SMG1: variants seen among roughly 807,000 people sequenced by gnomAD.
SMG1 encodes SMG1 nonsense mediated mRNA decay associated PI3K related kinase.
A neutral mutation model predicts 419.9 loss-of-function variants in SMG1; 22 were observed. That is an observed-to-expected ratio of 0.05 (90% CI 0.04 to 0.07). The LOEUF (loss-of-function observed/expected upper bound fraction) is 0.07. Ranked by LOEUF, SMG1 falls within the 10% of genes least tolerant of loss-of-function variation. SMG1 has a pLI of 1.00. For missense variants in SMG1, 3,185 were observed against 4,342.0 expected (o/e 0.73, Z 7.49); for synonymous variants, 1,538 against 1,553.5 (o/e 0.99, Z 0.23).
intron 56 of SMG1, 59 bp from the exon 57 acceptor site, chr16:18,817,529 G>T: frequency 7.5e-7 from 1 of 1,340,122 alleles, no homozygotes; most frequent in Non-Finnish European, 1.0e-6. Context: ...AAAGGGAGGT[G>T]GCAATTAATA....
At chr16:18,891,538 C>T (rs1259954421) in intron 4 of SMG1, among the ~76,000 whole-genome samples, 1 of 151,650 alleles carries the variant, frequency 6.6e-6, no homozygotes, top group Non-Finnish European at 1.5e-5. Context: ...TGGGTTCAAG[C>T]GATTCTCCTG....
intron 1 of SMG1, among the ~76,000 whole-genome samples, chr16:18,901,957 GGGGGGTGGCGGT>G (rs1567445992): frequency 6.7e-6 from 1 of 149,714 alleles, no homozygotes; most frequent in Non-Finnish European, 1.5e-5. Flanking sequence ...AAAAAAAAGG[GGGGGGTGGCGGT>G]GGGGGGAAGG....
chr16:18,807,256 T>A lies in SMG1; in HGVS notation c.*2313A>T, dbSNP rs527463853. ...GTGCTAAACTAATGTGAACTGACTATCATTGCGATAAAAGTTTTTCCTTAT... is the reference window on the plus strand; with the variant it reads ...GTGCTAAACTAATGTGAACTGACTAACATTGCGATAAAAGTTTTTCCTTAT... On this transcript the variant is annotated 3_prime_UTR_variant, in exon 63 of 63. Transcript: ENST00000446231. 30 of 152,316 alleles carry A rather than the reference T, an allele frequency of 2.0e-4. No homozygotes were observed. Among genetic ancestry groups the A allele is most frequent in the African/African-American group, 7.0e-4 (29 of 41,560 alleles). 9.4% of individuals were successfully genotyped at this position (152,316 alleles called of 1,614,324 possible).
chr16:18,917,869 G>C (rs752083781), intron 1 of SMG1, among the ~76,000 whole-genome samples: 1 of 150,724 alleles, frequency 6.6e-6, no homozygotes, highest in Non-Finnish European at 1.5e-5. Flanking sequence ...GAGCCACCAC[G>C]CCCAGCCCAC....
chr16:18,884,696 C>T lies in SMG1; in HGVS notation c.1021+394G>A, dbSNP rs142365511. The T allele has an allele frequency of 2.0e-3, 366 of 179,314 alleles. 2 individuals are homozygous for T. Among genetic ancestry groups the T allele is most frequent in the Middle Eastern group, 0.017 (7 of 406 alleles). The allele number at this position is 179,314 out of a possible 1,614,324, so 11.1% of individuals were successfully genotyped here. A position where few individuals can be genotyped will look rare whatever the true frequency, so the allele number is the denominator to read the frequency against. On this transcript the variant is annotated intron_variant, in intron 8 of 62. Transcript: ENST00000446231. ...AACTCCAAAAAAATGGGAAACAAAA[C>T]CATTTCTCATTTATGACAATTCTCC... is the stretch of plus-strand genomic sequence containing the variant.
At chr16:18,908,261 G>A (rs1158753283) in intron 1 of SMG1, among the ~76,000 whole-genome samples, 1 of 151,400 alleles carries the variant, frequency 6.6e-6, no homozygotes, top group Non-Finnish European at 1.5e-5. Flanking sequence ...CCAGCTACTC[G>A]GGAGGCTGAG....
intron 51 of SMG1, 31 bp downstream of exon 51, chr16:18,832,909 C>A: frequency 3.2e-6 from 5 of 1,580,800 alleles, no homozygotes; most frequent in Non-Finnish European, 4.3e-6. Flanking sequence ...ATCTCTTTTA[C>A]AAGGAAACGG....
At chr16:18,879,928 G>C (rs2036309514) in intron 10 of SMG1, among the ~76,000 whole-genome samples, 1 of 152,160 alleles carries the variant, frequency 6.6e-6, no homozygotes, top group Admixed American at 6.5e-5. Context: ...ATCCTAAAGT[G>C]CTATTATGAC....
chr16:18,898,779 T>C (rs2550012), intron 1 of SMG1, among the ~76,000 whole-genome samples: 46,882 of 152,124 alleles, frequency 0.31, 7,973 homozygotes, highest in Non-Finnish European at 0.39. Flanking sequence ...TTATCTCCTA[T>C]ACTACCTTTA....
At chr16:18,870,084 C>T in intron 18 of SMG1, 90 bp from the exon 19 acceptor site, 1 of 694,530 alleles carries the variant, frequency 1.4e-6, no homozygotes. Flanking sequence ...TATTAACTCA[C>T]TGGAGGTAAA....
At chr16:18,887,819 G>A (rs1419053276) in intron 6 of SMG1, among the ~76,000 whole-genome samples, 55 of 87,270 alleles carry the variant, frequency 6.3e-4, no homozygotes, top group Middle Eastern at 0.015. Context: ...CAGATATTCC[G>A]AACACATCAA....
At chr16:18,852,734 A>G (rs2034669935) in intron 31 of SMG1, among the ~76,000 whole-genome samples, 1 of 152,242 alleles carries the variant, frequency 6.6e-6, no homozygotes, top group African/African-American at 2.4e-5. Context: ...TGAACATTGT[A>G]AACAGTCAGG....
intron 10 of SMG1, among the ~76,000 whole-genome samples, chr16:18,881,820 T>C (rs549011104): frequency 3.9e-5 from 6 of 152,302 alleles, no homozygotes; most frequent in East Asian, 1.9e-4. Context: ...TTTCCTATAG[T>C]GTGCTATTCG....
At chr16:18,915,383 CT>C (rs2037931495) in intron 1 of SMG1, among the ~76,000 whole-genome samples, 1 of 152,146 alleles carries the variant, frequency 6.6e-6, no homozygotes, top group African/African-American at 2.4e-5. Flanking sequence ...GCTAACAGGG[CT>C]GCCATAAGAG....
intron 62 of SMG1, among the ~76,000 whole-genome samples, chr16:18,810,463 A>T (rs1471144791): frequency 6.6e-6 from 1 of 152,206 alleles, no homozygotes; most frequent in South Asian, 2.1e-4. Flanking sequence ...AAGAAGTAGG[A>T]CAAGGATGGA....
In SMG1 at chr16:18,874,377, G is replaced by A. The variant is rs527569648; in HGVS notation, c.1890+1747C>T. 1.2e-4 allele frequency among the ~76,000 whole-genome samples: 18 copies of A among 151,736 alleles called. No individual in the cohort carries two copies. In the South Asian group the frequency reaches 3.8e-3, roughly 32 times the overall value. ...TGGTCTCAAACTCCTGACCACAAGT[G>A]ATCAGCCCGACTTGGCCTCCCAGAG... On this transcript the variant is annotated intron_variant, in intron 13 of 62. Coordinates refer to ENST00000446231, the MANE Select transcript of SMG1 (RefSeq NM_015092.5).
Position 18,926,160 on chromosome 16 carries a change from AG to A in SMG1, c.-120del, listed in dbSNP as rs1567474272. The A allele has an allele frequency of 1.3e-5, 7 of 539,286 alleles. No individual in the cohort carries two copies. The highest frequency in any genetic ancestry group is 2.5e-5 in the South Asian group (1 of 40,684). 33.4% of individuals were successfully genotyped at this position (539,286 alleles called of 1,614,324 possible). On this transcript the variant is annotated 5_prime_UTR_variant, in exon 1 of 63. Coordinates refer to ENST00000446231, the MANE Select transcript of SMG1 (RefSeq NM_015092.5). ...GGGGCTGAGGAGGAAGCCGAGAAGG[AG>A]GAGGAGGAGGAGGAGGAGGAGAAGG...
chr16:18,816,011 T>A, intron 58 of SMG1: 1 of 466,020 alleles, frequency 2.1e-6, no homozygotes. Flanking sequence ...AAAGACAAGC[T>A]GGATATCTGA....
chr16:18,819,463 A>C, intron 56 of SMG1, 39 bp downstream of exon 56: 1 of 1,595,074 alleles, frequency 6.3e-7, no homozygotes, highest in Admixed American at 1.7e-5. Flanking sequence ...CTAATCCTGT[A>C]AAAGTGAATA....
Sources: gnomAD v4.1 joint callset for allele counts (sites outside exome capture counted in the v4.1 genomes callset) on GRCh38, gnomAD v4.1.1 for gene constraint, MANE v1.5 for transcripts, NCBI Gene and HGNC (gene_info 2026-07-23, HGNC 2026-07-21) for gene names.